SNAP91: variants seen among roughly 807,000 people sequenced by gnomAD.
SNAP91 encodes synaptosome associated protein 91, also known as clathrin coat assembly protein AP180.
A neutral mutation model predicts 100.3 loss-of-function variants in SNAP91; 27 were observed. The observed-to-expected ratio is 0.27, with a 90% CI of 0.20 to 0.37. The LOEUF (loss-of-function observed/expected upper bound fraction) is 0.37. Ranked by LOEUF, SNAP91 falls within the 10% of genes least tolerant of loss-of-function variation. SNAP91 has a pLI of 1.00. For synonymous variants in SNAP91, 404 were observed against 398.6 expected (o/e 1.01, Z -0.16); for missense variants, 986 against 1,123.7 (o/e 0.88, Z 1.75).
intron 8 of SNAP91, among the ~76,000 whole-genome samples, chr6:83,636,009 G>T (rs955354661): frequency 6.6e-6 from 1 of 152,156 alleles, no homozygotes; most frequent in African/African-American, 2.4e-5. Flanking sequence ...CAAATCTCTA[G>T]CTTGTAAAGT....
chr6:83,606,252 G>A lies in SNAP91; in HGVS notation c.1023-449C>T, dbSNP rs144056156. On this transcript the variant is annotated intron_variant, in intron 13 of 29. Coordinates refer to ENST00000369694, the MANE Select transcript of SNAP91 (RefSeq NM_001242792.2). ...TGTATAGAAAAAAAATTCATGTCTT[G>A]AGAAGAATTTATTTATAAACCAAAG... Among the ~76,000 whole-genome samples the A allele has an allele frequency of 2.6e-3, 398 of 152,218 alleles. 3 individuals carry two copies. Among genetic ancestry groups the A allele is most frequent in the African/African-American group, 9.0e-3 (375 of 41,534 alleles).
At chr6:83,638,827 A>G (rs1432031395) in intron 8 of SNAP91, among the ~76,000 whole-genome samples, 4 of 152,210 alleles carry the variant, frequency 2.6e-5, no homozygotes, top group African/African-American at 9.6e-5. Flanking sequence ...TCTGTCTGCA[A>G]ATATTCTGGG....
In SNAP91 at chr6:83,665,546, T is replaced by C. The variant is rs1423110546; in HGVS notation, c.166A>G (p.Ile56Val). 13 of 1,612,818 alleles carry C rather than the reference T, an allele frequency of 8.1e-6. No individual in the cohort carries two copies. In the East Asian group the frequency reaches 2.5e-4, roughly 30 times the overall value. Reference protein sequence around the residue: ...IQATNETNVNIPQMADTLFER... With the variant: ...IQATNETNVNVPQMADTLFER... ...AAGAGAGTGTCGGCCATCTGAGGAA[T>C]ATTAACATTGGTCTCGTTGGTAGCC... Residue 56 changes from isoleucine (I) to valine (V), a missense_variant, in exon 3 of 30, where the codon ATT (isoleucine) becomes GTT (valine). By Grantham distance (29) the Ile-to-Val change is conservative (BLOSUM62 3). Coordinates refer to ENST00000369694, the MANE Select transcript of SNAP91 (RefSeq NM_001242792.2).
chr6:83,555,624 A>T (rs1440851265), intron 29 of SNAP91, among the ~76,000 whole-genome samples: 2 of 152,200 alleles, frequency 1.3e-5, no homozygotes, highest in African/African-American at 4.8e-5. Context: ...GAGTCATTTC[A>T]TAAATTATAT....
intron 2 of SNAP91, among the ~76,000 whole-genome samples, chr6:83,701,127 G>A (rs2099298377): frequency 6.7e-6 from 1 of 148,652 alleles, no homozygotes; most frequent in South Asian, 2.2e-4. Flanking sequence ...CTTGATTGTG[G>A]GAAAAAAGAA....
chr6:83,690,387 C>T (rs1356706095), intron 2 of SNAP91: 2 of 1,288,448 alleles, frequency 1.6e-6, no homozygotes, highest in Non-Finnish European at 2.0e-6. Context: ...CTGGAACATA[C>T]TTTCAGATCT....
chr6:83,643,022 C>T (rs2097773521), intron 7 of SNAP91, among the ~76,000 whole-genome samples: 1 of 151,984 alleles, frequency 6.6e-6, no homozygotes, highest in Admixed American at 6.6e-5. Context: ...CCTTTTCCCA[C>T]TTTTTGATGG....
chr6:83,667,898 A>G (rs915775778), intron 2 of SNAP91, among the ~76,000 whole-genome samples: 85 of 152,316 alleles, frequency 5.6e-4, no homozygotes, highest in African/African-American at 2.0e-3. Context: ...CAGGCAACCT[A>G]CAGAATGGGA....
Position 83,708,844 on chromosome 6 carries a change from CCCCGCCCCTGAGCGGCGCCG to C in SNAP91, c.-50_-31del, listed in dbSNP as rs1469933056. The C allele has an allele frequency of 1.3e-5, 2 of 152,092 alleles. No individual in the cohort carries two copies. Among genetic ancestry groups the C allele is most frequent in the Non-Finnish European group, 2.9e-5 (2 of 68,046 alleles). 9.4% of individuals were successfully genotyped at this position (152,092 alleles called of 1,614,324 possible). On this transcript the variant is annotated splice_region_variant and 5_prime_UTR_variant, in exon 1 of 30. Transcript: ENST00000369694. ...GGCCGAGTACGGCCGCGGGTACTCA[CCCCGCCCCTGAGCGGCGCCG>C]CCCGCCGCAGGATGAGCGGAGCCCG...
chr6:83,591,138 A>C, intron 22 of SNAP91, 73 bp downstream of exon 22: 1 of 995,586 alleles, frequency 1.0e-6, no homozygotes, highest in South Asian at 1.4e-5. Context: ...CAATTTATGT[A>C]ATTTTTATAA....
intron 26 of SNAP91, among the ~76,000 whole-genome samples, chr6:83,572,284 C>T (rs577590575): frequency 3.9e-5 from 6 of 152,238 alleles, no homozygotes; most frequent in African/African-American, 1.2e-4. Flanking sequence ...GACTCACTGT[C>T]GCCCACGGCT....
At chr6:83,621,461 G>A (rs2096725768) in intron 9 of SNAP91, among the ~76,000 whole-genome samples, 2 of 152,044 alleles carry the variant, frequency 1.3e-5, no homozygotes, top group Non-Finnish European at 2.9e-5. Context: ...CAGACCCAGG[G>A]CAAGATTTTA....
At position 83,708,191 on chromosome 6, in the gene SNAP91, G is replaced by A. The variant is rs970466582; in HGVS notation, c.-30-234C>T. The A allele has an allele frequency of 2.9e-5, 13 of 444,426 alleles. No individual in the cohort carries two copies. The Admixed American group carries it at 3.7e-4, about 13-fold the overall frequency. 27.5% of individuals were successfully genotyped at this position (444,426 alleles called of 1,614,324 possible). On this transcript the variant is annotated intron_variant, in intron 1 of 29. Transcript: ENST00000369694. ...CAGCGTGGGCTCCAGTCGCAGCATC[G>A]TGACACCGTCCCCATTCTCCCCCGG...
chr6:83,623,357 A>T lies in SNAP91; in HGVS notation c.766-15T>A. ...ATACCAACTTGCTGTGGATTTAAAA[A>T]ATTAGAAATTAGTAGAACTTTTAAA... On this transcript the variant is annotated splice_polypyrimidine_tract_variant and intron_variant, in intron 8 of 29. Transcript: ENST00000369694. The T allele has an allele frequency of 6.3e-7, 1 of 1,580,000 alleles. No homozygotes were observed. Among genetic ancestry groups the T allele is most frequent in the Non-Finnish European group, 8.6e-7 (1 of 1,156,948 alleles).
At chr6:83,656,999 AC>A in intron 6 of SNAP91, 134 bp from the exon 7 acceptor site, 1 of 580,522 alleles carries the variant, frequency 1.7e-6, no homozygotes, top group East Asian at 2.9e-5. Context: ...TCATTTAGTA[AC>A]CCTACCAATA....
At chr6:83,623,994 T>C (rs1290793595) in intron 8 of SNAP91, among the ~76,000 whole-genome samples, 1 of 152,130 alleles carries the variant, frequency 6.6e-6, no homozygotes, top group African/African-American at 2.4e-5. Flanking sequence ...TGTCCTATAT[T>C]TAATTAGTAA....
rs143986443 is a variant in SNAP91 at position 83,668,408 on chromosome 6, T to C, written c.131-2827A>G. On this transcript the variant is annotated intron_variant, in intron 2 of 29. Transcript: ENST00000369694. ...ATGTTTATTGCAGCAATATTCACAA[T>C]AGCAAAGACATGGAACCAACCCGAA... Among the ~76,000 whole-genome samples, 1,104 of 152,210 alleles carry C rather than the reference T, an allele frequency of 7.3e-3. 6 individuals carry two copies. The highest frequency in any genetic ancestry group is 0.025 in the African/African-American group (1,025 of 41,530).
chr6:83,687,688 G>T (rs59046391), intron 2 of SNAP91, among the ~76,000 whole-genome samples: 1 of 152,168 alleles, frequency 6.6e-6, no homozygotes, highest in Non-Finnish European at 1.5e-5. Context: ...AGAGTACTTT[G>T]TTGGGAACGG....
chr6:83,664,922 C>A (rs1356710911), intron 3 of SNAP91, among the ~76,000 whole-genome samples: 1 of 152,116 alleles, frequency 6.6e-6, no homozygotes, highest in Admixed American at 6.6e-5. Flanking sequence ...CAACCACCAT[C>A]CTAATCAGTC....
Sources: allele counts gnomAD v4.1 joint callset (sites outside exome capture counted in the v4.1 genomes callset), GRCh38; gene constraint gnomAD v4.1.1; transcripts MANE v1.5; gene names NCBI Gene and HGNC (gene_info 2026-07-23, HGNC 2026-07-21).